Variants in ACSS1 observed in about 807,000 individuals in gnomAD.
The protein encoded by ACSS1 is acyl-CoA synthetase short chain family member 1.
In ACSS1, 42 loss-of-function variants were observed where a neutral mutation model predicts 75.3. That is an observed-to-expected ratio of 0.56 (90% CI 0.44 to 0.72). The LOEUF is 0.72. Among genes scored for constraint, ACSS1 ranks in the 30% least tolerant of loss-of-function variants. ACSS1 has a pLI of 0.00. For missense variants in ACSS1, 782 were observed against 935.7 expected, an observed-to-expected ratio of 0.84 and a Z score of 2.14; for synonymous variants, 380 against 376.8, an observed-to-expected ratio of 1.01 and a Z score of -0.10.
chr20:25,015,222 G>T lies in ACSS1; in HGVS notation c.1255C>A (p.Pro419Thr), dbSNP rs184241245. The T allele has an allele frequency of 6.2e-7, 1 of 1,608,720 alleles. No homozygotes were observed. The highest frequency in any genetic ancestry group is 2.2e-5 in the East Asian group (1 of 44,678). Residue 419 changes from proline to threonine, a missense_variant, in exon 8 of 14, where the codon CCC becomes ACC. Pro to Thr is a conservative substitution (Grantham distance 38). Transcript: ENST00000323482. The stretch of plus-strand genomic sequence containing the variant: ...CACTCCCAGGCCTCACAGTTGATGG[G>T]CTCTCCCACTGAAACCACACAGAAA... ...SLRTLGSVGE[P>T]INCEAWEWLH...
chr20:25,043,483 C>T (rs1183732212), intron 2 of ACSS1, among the ~76,000 whole-genome samples: 1 of 152,220 alleles, frequency 6.6e-6, no homozygotes, highest in African/African-American at 2.4e-5. Context: ...AGGTGCCAGG[C>T]CTCACAGATT....
At chr20:25,040,724 C>G (rs1410362871) in intron 2 of ACSS1, among the ~76,000 whole-genome samples, 1 of 152,202 alleles carries the variant, frequency 6.6e-6, no homozygotes, top group East Asian at 1.9e-4. Context: ...GCCCGTTTGA[C>G]ACTAGCCCCA....
At chr20:25,020,284 C>G (rs2088598640) in intron 6 of ACSS1, 137 bp from the exon 7 acceptor site, 1 of 1,213,894 alleles carries the variant, frequency 8.2e-7, no homozygotes, top group African/African-American at 1.5e-5. Context: ...CCCCCCAACC[C>G]CCCACCCCCG....
At chr20:25,042,432 C>A (rs1025181642) in intron 2 of ACSS1, among the ~76,000 whole-genome samples, 3 of 152,120 alleles carry the variant, frequency 2.0e-5, no homozygotes, top group African/African-American at 7.2e-5. Flanking sequence ...GCAGCTAGGC[C>A]GGGACTCCAC....
At chr20:25,035,643 A>T (rs1227157482) in intron 2 of ACSS1, among the ~76,000 whole-genome samples, 1 of 152,146 alleles carries the variant, frequency 6.6e-6, no homozygotes, top group East Asian at 1.9e-4. Context: ...ACCTCAAGTG[A>T]TCCACTGGCC....
chr20:25,051,194 G>A (rs144950897), intron 1 of ACSS1, among the ~76,000 whole-genome samples: 1 of 152,176 alleles, frequency 6.6e-6, no homozygotes, highest in African/African-American at 2.4e-5. Context: ...GCACCTCACT[G>A]TCCCAGACCC....
intron 1 of ACSS1, among the ~76,000 whole-genome samples, chr20:25,055,933 A>T (rs1286107237): frequency 2.6e-5 from 4 of 152,224 alleles, no homozygotes; most frequent in African/African-American, 9.6e-5. Flanking sequence ...AAGGAAAGAG[A>T]TATTGCTGAC....
At chr20:25,057,672 C>G in intron 1 of ACSS1, 97 bp downstream of exon 1, 2 of 1,285,490 alleles carry the variant, frequency 1.6e-6, no homozygotes, top group Non-Finnish European at 2.1e-6. Flanking sequence ...GGGCTGCGAT[C>G]CGCGCTGCCC....
intron 9 of ACSS1, 59 bp downstream of exon 9, chr20:25,013,902 C>A: frequency 6.5e-7 from 1 of 1,533,884 alleles, no homozygotes; most frequent in Non-Finnish European, 9.0e-7. Flanking sequence ...CTGGGCTGGG[C>A]AGGCAGGGAC....
chr20:25,047,783 A>C (rs1033668087), intron 2 of ACSS1, among the ~76,000 whole-genome samples: 1 of 152,108 alleles, frequency 6.6e-6, no homozygotes, highest in East Asian at 1.9e-4. Context: ...GGCACATAGA[A>C]TCTGCTTAAG....
intron 1 of ACSS1, among the ~76,000 whole-genome samples, 175 bp downstream of exon 1, chr20:25,057,594 C>T (rs574459829): frequency 2.6e-5 from 4 of 152,124 alleles, no homozygotes; most frequent in African/African-American, 9.7e-5. Context: ...GGATGAGGGA[C>T]GGGGTGACGT....
At chr20:25,028,013 C>T (rs1298832204) in intron 3 of ACSS1, among the ~76,000 whole-genome samples, 1 of 151,870 alleles carries the variant, frequency 6.6e-6, no homozygotes, top group African/African-American at 2.4e-5. Flanking sequence ...GAAAACAATT[C>T]CATTTATAAA....
At chr20:25,032,679 T>TTTGCATAGTTTGAACAGAG (rs2088847518) in intron 2 of ACSS1, 4 of 1,200,068 alleles carry the variant, frequency 3.3e-6, no homozygotes, top group Non-Finnish European at 4.1e-6. Flanking sequence ...AGCTCTCCTC[T>TTTGCATAGTTTGAACAGAG]GTTCAAAGGG....
chr20:25,015,190 G>A lies in ACSS1; in HGVS notation c.1287C>T (p.His429=). The change falls in exon 8 of 14, where the codon CAC becomes CAT. Residue 429 remains histidine (H), a synonymous_variant. Transcript: ENST00000323482. ...TGCACCTGCTGTCCCCCACCACCCTGTGAAGCCACTCCCAGGCCTCACAGT... is the reference window on the plus strand; with the variant it reads ...TGCACCTGCTGTCCCCCACCACCCTATGAAGCCACTCCCAGGCCTCACAGT... ...PINCEAWEWL[H]RVVGDSRCTL... is the part of the protein sequence containing the mutation. 1 of 1,613,088 alleles carries A rather than the reference G, an allele frequency of 6.2e-7. No homozygotes were observed. Among genetic ancestry groups the A allele is most frequent in the Non-Finnish European group, 8.5e-7 (1 of 1,179,236 alleles).
At chr20:25,008,051 G>GA in intron 13 of ACSS1, 110 bp from the exon 14 acceptor site, 2 of 1,367,950 alleles carry the variant, frequency 1.5e-6, no homozygotes, top group Non-Finnish European at 2.0e-6. Flanking sequence ...GCCCTCCCGG[G>GA]GATCCACAGT....
intron 7 of ACSS1, among the ~76,000 whole-genome samples, chr20:25,017,312 C>A (rs933962739): frequency 6.6e-6 from 1 of 152,220 alleles, no homozygotes; most frequent in African/African-American, 2.4e-5. Context: ...GACGACTCAA[C>A]GGATTAAATG....
chr20:25,048,130 A>G lies in ACSS1; in HGVS notation c.386T>C (p.Ile129Thr). The change falls in exon 2 of 14, where the codon ATC becomes ACC. Residue 129 changes from isoleucine to threonine, a missense_variant. Transcript: ENST00000323482. ...VRKSPESVAL[I>T]WERDEPGTEV... ...CGTTCCAGGCTCATCGCGCTCCCAG[A>G]TCAAAGCAACGCTCTCGGGGGACTT... is the stretch of plus-strand genomic sequence containing the variant. 1 of 1,613,660 alleles carries G rather than the reference A, an allele frequency of 6.2e-7. No individual in the cohort carries two copies. The highest frequency in any genetic ancestry group is 8.5e-7 in the Non-Finnish European group (1 of 1,179,948).
chr20:25,013,912 C>A, intron 9 of ACSS1, 49 bp downstream of exon 9: 1 of 1,566,696 alleles, frequency 6.4e-7, no homozygotes, highest in Non-Finnish European at 8.7e-7. Flanking sequence ...CAGGCAGGGA[C>A]AAGGGAGGGC....
At chr20:25,047,263 C>T (rs937219195) in intron 2 of ACSS1, among the ~76,000 whole-genome samples, 1 of 152,220 alleles carries the variant, frequency 6.6e-6, no homozygotes, top group African/African-American at 2.4e-5. Flanking sequence ...TCCCCTCGCT[C>T]CTGTGTCCCA....
Sources: gnomAD v4.1 joint callset for allele counts (sites outside exome capture counted in the v4.1 genomes callset) on GRCh38, gnomAD v4.1.1 for gene constraint, MANE v1.5 for transcripts, NCBI Gene and HGNC (gene_info 2026-07-23, HGNC 2026-07-21) for gene names.